The following RAB34 variants were observed in gnomAD, a reference collection of about 807,000 sequenced individuals.
RAB34 encodes the protein RAB34, member RAS oncogene family, also known as ras-related protein Rab-34.
RAB34 carries 33 observed loss-of-function variants against 39.0 expected under a neutral mutation model. The observed-to-expected ratio is 0.85, with a 90% CI of 0.64 to 1.13. The LOEUF (loss-of-function observed/expected upper bound fraction) is 1.13. Among genes scored for constraint, RAB34 ranks in the 50% most tolerant of loss-of-function variants. The pLI is 0.00. For missense variants in RAB34, 289 were observed against 326.1 expected, an observed-to-expected ratio of 0.89 and a Z score of 0.88; for synonymous variants, 135 against 125.1, an observed-to-expected ratio of 1.08 and a Z score of -0.53.
At chr17:28,716,648 A>C in intron 2 of RAB34, 1 of 412,710 alleles carries the variant, frequency 2.4e-6, no homozygotes, top group Non-Finnish European at 4.3e-6. Flanking sequence ...TGAGCAGGTG[A>C]CCACCTTCCC....
rs773445329 is a variant in RAB34 at position 28,715,695 on chromosome 17, C to T, written c.325G>A (p.Ala109Thr). The T allele has an allele frequency of 6.2e-6, 10 of 1,614,060 alleles. No homozygotes were observed. Among genetic ancestry groups the T allele is most frequent in the African/African-American group, 2.7e-5 (2 of 74,982 alleles). Reference sequence around the variant, plus strand: ...ATGCATTTGAACCTCTCCTGCCCAGCGGTATCCCAACTGGAAGGAAGGAAG... The same window carrying T: ...ATGCATTTGAACCTCTCCTGCCCAGTGGTATCCCAACTGGAAGGAAGGAAG... ...IPFSLQLWDTAGQERFKCIAS... is the reference protein window; with the variant it reads ...IPFSLQLWDTTGQERFKCIAS... The change falls in exon 5 of 10, where the codon GCT becomes ACT. Residue 109 changes from alanine (A) to threonine (T), a missense_variant. Ala to Thr is a moderately conservative substitution (Grantham distance 58). Transcript: ENST00000395245.
Position 28,714,585 on chromosome 17 carries a change from G to A in RAB34, c.*58C>T, listed in dbSNP as rs774174289. ...AATGTCCAGGGGTCAAGCTCTGGAG[G>A]AATGAGGGTGGCACAGTGCCCTAGG... is the stretch of plus-strand genomic sequence containing the variant. On this transcript the variant is annotated 3_prime_UTR_variant, in exon 10 of 10. Coordinates refer to ENST00000395245, the MANE Select transcript of RAB34 (RefSeq NM_031934.6). The A allele has an allele frequency of 6.2e-7, 1 of 1,613,616 alleles. No individual in the cohort carries two copies.
chr17:28,716,353 A>G (rs747374631), intron 2 of RAB34: 14 of 422,112 alleles, frequency 3.3e-5, no homozygotes, highest in Non-Finnish European at 4.3e-5. Flanking sequence ...TAAAGTTAGT[A>G]TATATTTTAC....
In RAB34 at chr17:28,717,402, C is replaced by A. The variant is rs1032574818; in HGVS notation, c.-136G>T. The A allele has an allele frequency of 2.0e-6, 3 of 1,507,948 alleles. No homozygotes were observed. Among genetic ancestry groups the A allele is most frequent in the South Asian group, 1.2e-5 (1 of 82,892 alleles). 93.4% of individuals were successfully genotyped at this position (1,507,948 alleles called of 1,614,324 possible). A position where few individuals can be genotyped will look rare whatever the true frequency, so the allele number is the denominator to read the frequency against. ...ACAACTCGGGGCCACGGGGACCCTA[C>A]GGGAGTCCGCGGTCTCGGAGACGCT... On this transcript the variant is annotated 5_prime_UTR_variant, in exon 1 of 10. Transcript: ENST00000395245.
chr17:28,717,140 T>C (rs2033601100), intron 1 of RAB34, 73 bp downstream of exon 1: 1 of 1,538,894 alleles, frequency 6.5e-7, no homozygotes, highest in African/African-American at 1.4e-5. Flanking sequence ...GTCCTCTAAC[T>C]GGTCTGGTGC....
rs188632527 is a variant in RAB34, at chr17:28,715,042, T to A, written c.594A>T (p.Ser198=). The A allele has an allele frequency of 6.8e-5, 109 of 1,613,840 alleles. No individual in the cohort carries two copies. Among genetic ancestry groups the A allele is most frequent in the Admixed American group, 1.5e-4 (9 of 60,016 alleles). ...QEMKAEYWAV[S]SLTGENVREF... is the part of the protein sequence containing the mutation. ...AAGCCTCCAACTCACCAGTGAGAGA[T>A]GAGACTGCCCAGTACTCAGCCTTCA... The change falls in exon 8 of 10, where the codon TCA becomes TCT. Residue 198 remains serine (S), a synonymous_variant. Transcript: ENST00000395245.
At chr17:28,718,306 G>A (rs775073917), upstream of RAB34, 1 of 1,514,882 alleles carries the variant, frequency 6.6e-7, no homozygotes. Flanking sequence ...CTGGGAGGTC[G>A]GGGGTGAGGA....
At position 28,717,612 on chromosome 17, in the gene RAB34, G is replaced by T; in HGVS notation, c.-346C>A. 1 of 1,397,178 alleles carries T rather than the reference G, an allele frequency of 7.2e-7. No homozygotes were observed. Among genetic ancestry groups the T allele is most frequent in the South Asian group, 1.6e-5 (1 of 63,066 alleles). 86.5% of individuals were successfully genotyped at this position (1,397,178 alleles called of 1,614,324 possible). A position where few individuals can be genotyped will look rare whatever the true frequency, so the allele number is the denominator to read the frequency against. On this transcript the variant is annotated 5_prime_UTR_variant, in exon 1 of 10. Transcript: ENST00000395245. ...GCAGACCCTACGATTACGCGGGGCCGGATAGTTCCTACGATTACGCGGGGC... is the reference window on the plus strand; with the variant it reads ...GCAGACCCTACGATTACGCGGGGCCTGATAGTTCCTACGATTACGCGGGGC...
chr17:28,716,227 G>A (rs1403195298), intron 2 of RAB34, 169 bp from the exon 3 acceptor site: 5 of 802,004 alleles, frequency 6.2e-6, no homozygotes, highest in Admixed American at 5.7e-5. Flanking sequence ...GAGGAGGAGT[G>A]TTTTGTGCTC....
Position 28,717,588 on chromosome 17 carries a change from C to G in RAB34, c.-322G>C. 1 of 1,414,838 alleles carries G rather than the reference C, an allele frequency of 7.1e-7. No homozygotes were observed. The highest frequency in any genetic ancestry group is 9.2e-7 in the Non-Finnish European group (1 of 1,088,502). 87.6% of individuals were successfully genotyped at this position (1,414,838 alleles called of 1,614,324 possible). On this transcript the variant is annotated 5_prime_UTR_variant, in exon 1 of 10. Coordinates refer to ENST00000395245, the MANE Select transcript of RAB34 (RefSeq NM_031934.6). The stretch of plus-strand genomic sequence containing the variant: ...CCGTCTGGTGGGGGCCGGGCCCGCG[C>G]AGACCCTACGATTACGCGGGGCCGG...
Position 28,717,442 on chromosome 17 carries a change from C to T in RAB34, c.-176G>A. ...TCGGAGACGCTACGACCACCGCGGG[C>T]CACGGAGATGAAACAATCACCCGGG... On this transcript the variant is annotated 5_prime_UTR_variant, in exon 1 of 10. An upstream open reading frame in the 5' UTR gains an earlier in-frame stop. Transcript: ENST00000395245. 2.0e-6 allele frequency: 3 copies of T among 1,479,442 alleles called. No individual in the cohort carries two copies. Among genetic ancestry groups the T allele is most frequent in the Admixed American group, 2.3e-5 (1 of 43,490 alleles). 91.6% of individuals were successfully genotyped at this position (1,479,442 alleles called of 1,614,324 possible).
At position 28,714,688 on chromosome 17, in the gene RAB34, G is replaced by A. The variant is rs771914578; in HGVS notation, c.735C>T (p.Asn245=). 2 of 1,614,100 alleles carry A rather than the reference G, an allele frequency of 1.2e-6. No homozygotes were observed. The highest frequency in any genetic ancestry group is 1.7e-6 in the Non-Finnish European group (2 of 1,180,028). The change falls in exon 10 of 10, where the codon AAC becomes AAT. Residue 245 remains asparagine (N), a synonymous_variant. Transcript: ENST00000395245. ...TCTTCTTGCTGGCAGTTAGGTAGAG[G>A]TTGCTGTCATCACTGTTGATGCCTA... ...DVVRINSDDS[N]LYLTASKKKP... is the part of the protein sequence containing the mutation.
chr17:28,718,078 C>T (rs2033849065), upstream of RAB34: 2 of 1,577,496 alleles, frequency 1.3e-6, no homozygotes, highest in Non-Finnish European at 1.7e-6. Flanking sequence ...GGCTGCTCTC[C>T]CCTGCACCTC....
chr17:28,716,923 C>T lies in RAB34; in HGVS notation c.126G>A (p.Glu42=), dbSNP rs2033553588. ...FHPRVTCACQ[E]HRTGTVGFKI... The stretch of plus-strand genomic sequence containing the variant: ...CTCACCCCACGGTGCCTGTCCGGTG[C>T]TCCTGGCAGGCGCAGGTGACGCGGG... The change falls in exon 2 of 10, where the codon GAG becomes GAA. Residue 42 remains glutamate (E), a synonymous_variant. Coordinates refer to ENST00000395245, the MANE Select transcript of RAB34 (RefSeq NM_031934.6). 1.2e-6 allele frequency: 2 copies of T among 1,613,338 alleles called. No homozygotes were observed. The highest frequency in any genetic ancestry group is 1.3e-5 in the African/African-American group (1 of 75,038).
In RAB34 at chr17:28,716,065, G is replaced by C; in HGVS notation, c.147-7C>G. 1 of 1,613,846 alleles carries C rather than the reference G, an allele frequency of 6.2e-7. No individual in the cohort carries two copies. Among genetic ancestry groups the C allele is most frequent in the South Asian group, 1.1e-5 (1 of 91,052 alleles). ...GACCTTGGAGATCTTAAATCTGCTG[G>C]ACACAAGAGTGGGCAAGGGGAGTGG... On this transcript the variant is annotated splice_polypyrimidine_tract_variant and splice_region_variant and intron_variant, in intron 2 of 9. Coordinates refer to ENST00000395245, the MANE Select transcript of RAB34 (RefSeq NM_031934.6).
chr17:28,715,617 A>T, intron 5 of RAB34, 24 bp downstream of exon 5: 1 of 1,613,634 alleles, frequency 6.2e-7, no homozygotes, highest in Non-Finnish European at 8.5e-7. Context: ...AGACCCACCT[A>T]CCCCACTTCA....
In RAB34 at chr17:28,717,346, G is replaced by A. The variant is rs569119930; in HGVS notation, c.-80C>T. On this transcript the variant is annotated 5_prime_UTR_variant, in exon 1 of 10. Coordinates refer to ENST00000395245, the MANE Select transcript of RAB34 (RefSeq NM_031934.6). The stretch of plus-strand genomic sequence containing the variant: ...CAGCGACCCGGGCGCGTGGAGACCC[G>A]ACGATCACCCGCGGCCGGGGTGTCC... 3.1e-4 allele frequency: 470 copies of A among 1,536,178 alleles called. No homozygotes were observed. The African/African-American group carries it at 5.7e-3, about 19-fold the overall frequency.
intron 8 of RAB34, 23 bp from the exon 9 acceptor site, chr17:28,714,923 G>T (rs1239191404): frequency 1.9e-6 from 3 of 1,608,834 alleles, no homozygotes; most frequent in South Asian, 2.2e-5. Context: ...GCAGATAGGT[G>T]CTCAGGGGCA....
upstream of RAB34, chr17:28,718,023 A>G: frequency 6.5e-6 from 8 of 1,236,574 alleles, no homozygotes; most frequent in Non-Finnish European, 8.4e-6. Flanking sequence ...GGGCACCAGG[A>G]CCGCCCCGAC....
Sources: allele counts gnomAD v4.1 joint callset, GRCh38; gene constraint gnomAD v4.1.1; transcripts MANE v1.5; gene names NCBI Gene and HGNC (gene_info 2026-07-23, HGNC 2026-07-21).